The following MARCHF3 variants were observed in gnomAD, a reference collection of about 807,000 sequenced individuals.
MARCHF3 encodes E3 ubiquitin-protein ligase MARCHF3.
In MARCHF3, 13 loss-of-function variants were observed where a neutral mutation model predicts 24.2. The ratio of observed to expected loss-of-function variants is 0.54; its 90% confidence interval spans 0.35 to 0.85. MARCHF3 has a LOEUF of 0.85. MARCHF3 is among the 40% of genes least tolerant of loss of function. The probability of loss-of-function intolerance (pLI) is 0.01; values close to 1 mark genes in which losing one functional copy is unlikely to be tolerated. For missense variants in MARCHF3, 276 were observed against 325.0 expected, an observed-to-expected ratio of 0.85 and a Z score of 1.16; for synonymous variants, 144 against 137.3, an observed-to-expected ratio of 1.05 and a Z score of -0.34.
intron 1 of MARCHF3, among the ~76,000 whole-genome samples, chr5:127,013,329 A>G (rs1231096753): frequency 6.6e-6 from 1 of 152,212 alleles, no homozygotes; most frequent in Non-Finnish European, 1.5e-5. Flanking sequence ...CAATAAAATT[A>G]AAAGGAAAGG....
At chr5:126,883,374 T>G (rs1236088390) in intron 3 of MARCHF3, among the ~76,000 whole-genome samples, 1 of 152,232 alleles carries the variant, frequency 6.6e-6, no homozygotes, top group African/African-American at 2.4e-5. Flanking sequence ...ACAGAGATCA[T>G]GCTGTTGAAA....
At position 127,025,076 on chromosome 5, in the gene MARCHF3, C is replaced by T. The variant is rs148048212; in HGVS notation, c.-57+5274G>A. Reference sequence around the variant, plus strand: ...TGACGGATTACTCAAAAGATAGTTCCAGCCAAAAGGAATAAGCCAAGAAGT... The same window carrying T: ...TGACGGATTACTCAAAAGATAGTTCTAGCCAAAAGGAATAAGCCAAGAAGT... On this transcript the variant is annotated intron_variant, in intron 1 of 4. Transcript: ENST00000308660. 3.0e-3 allele frequency among the ~76,000 whole-genome samples: 449 copies of T among 152,072 alleles called. 3 individuals are homozygous for T. The highest frequency in any genetic ancestry group is 4.7e-3 in the Non-Finnish European group (317 of 67,990).
intron 1 of MARCHF3, among the ~76,000 whole-genome samples, chr5:126,974,177 G>T (rs113010215): frequency 1.1e-3 from 169 of 152,146 alleles, no homozygotes; most frequent in Non-Finnish European, 4.4e-4. Flanking sequence ...GATTACAGGC[G>T]TGAGCCACCG....
At chr5:127,029,343 T>C (rs924812766) in intron 1 of MARCHF3, among the ~76,000 whole-genome samples, 1 of 152,250 alleles carries the variant, frequency 6.6e-6, no homozygotes, top group Admixed American at 6.5e-5. Flanking sequence ...CCCCAAATTC[T>C]GGACCTGTTT....
chr5:126,956,835 C>T (rs1404344795), intron 1 of MARCHF3, among the ~76,000 whole-genome samples: 1 of 152,076 alleles, frequency 6.6e-6, no homozygotes, highest in Non-Finnish European at 1.5e-5. Context: ...AGTAGTTGAA[C>T]GAAACTGCCC....
In MARCHF3 at chr5:126,915,046, A is replaced by T; in HGVS notation, c.277T>A (p.Leu93Met). 6.2e-7 allele frequency: 1 copy of T among 1,614,222 alleles called. No homozygotes were observed. The highest frequency in any genetic ancestry group is 8.5e-7 in the Non-Finnish European group (1 of 1,180,040). ...LLSPCECTGT[L>M]GTIHRSCLEH... ...AGGCAGCTCCGATGAATTGTCCCCA[A>T]GGTCCCTGTACATTCACATGGAGAG... is the stretch of plus-strand genomic sequence containing the variant. Residue 93 changes from leucine to methionine, a missense_variant, in exon 3 of 5, where the codon TTG (leucine) becomes ATG (methionine). Coordinates refer to ENST00000308660, the MANE Select transcript of MARCHF3 (RefSeq NM_178450.5).
chr5:126,934,322 G>A (rs183475575), intron 1 of MARCHF3, among the ~76,000 whole-genome samples: 1 of 152,192 alleles, frequency 6.6e-6, no homozygotes, highest in East Asian at 1.9e-4. Context: ...TCCAGGTTAG[G>A]TGACACAATC....
chr5:126,965,209 T>C (rs560111596), intron 1 of MARCHF3, among the ~76,000 whole-genome samples: 1 of 152,222 alleles, frequency 6.6e-6, no homozygotes, highest in African/African-American at 2.4e-5. Context: ...ACATGGATAA[T>C]AATGACCCCT....
chr5:126,951,935 C>T (rs1008527091), intron 1 of MARCHF3, among the ~76,000 whole-genome samples: 2 of 152,168 alleles, frequency 1.3e-5, no homozygotes, highest in Non-Finnish European at 2.9e-5. Flanking sequence ...CAACCTCTGC[C>T]TCCCGGGTTC....
intron 3 of MARCHF3, among the ~76,000 whole-genome samples, chr5:126,888,826 A>G (rs1467108703): frequency 6.6e-6 from 1 of 152,152 alleles, no homozygotes; most frequent in African/African-American, 2.4e-5. Flanking sequence ...GTGCAGTGGC[A>G]CAATCTTGGC....
intron 1 of MARCHF3, among the ~76,000 whole-genome samples, chr5:126,986,952 G>A (rs1164351068): frequency 1.3e-5 from 2 of 152,262 alleles, no homozygotes; most frequent in Non-Finnish European, 2.9e-5. Context: ...ATGTATGACA[G>A]TTTTATGTGT....
intron 1 of MARCHF3, among the ~76,000 whole-genome samples, chr5:127,025,014 G>A (rs1261850209): frequency 2.0e-5 from 3 of 152,162 alleles, no homozygotes; most frequent in African/African-American, 7.2e-5. Context: ...CTGCAACAGT[G>A]AGCAATAAAT....
intron 1 of MARCHF3, among the ~76,000 whole-genome samples, chr5:127,026,408 T>C (rs1455820824): frequency 1.3e-5 from 2 of 152,224 alleles, no homozygotes; most frequent in African/African-American, 4.8e-5. Flanking sequence ...TACGTAGGCT[T>C]TGCCGCTTTT....
intron 1 of MARCHF3, among the ~76,000 whole-genome samples, chr5:127,003,068 C>G (rs529926220): frequency 6.6e-6 from 1 of 152,014 alleles, no homozygotes; most frequent in African/African-American, 2.4e-5. Context: ...AGCCCCAGAT[C>G]CTAGCAGGTG....
intron 3 of MARCHF3, among the ~76,000 whole-genome samples, chr5:126,905,289 G>T (rs1357762887): frequency 9.4e-4 from 132 of 139,826 alleles, no homozygotes; most frequent in Non-Finnish European, 1.6e-3. Flanking sequence ...GATTGACTTG[G>T]TGATGTGGGC....
At chr5:126,896,902 T>C (rs1725586173) in intron 3 of MARCHF3, among the ~76,000 whole-genome samples, 1 of 152,044 alleles carries the variant, frequency 6.6e-6, no homozygotes, top group South Asian at 2.1e-4. Flanking sequence ...TGTGTGTCTA[T>C]TTTGGGGGAG....
chr5:126,868,124 A>G lies in MARCHF3; in HGVS notation c.*2509T>C, dbSNP rs1752830353. ...AGCACAGGAAGAGGACTAGGCTAGC[A>G]AGGGTGCTGGTAGGCTGCATGGTGC... is the stretch of plus-strand genomic sequence containing the variant. On this transcript the variant is annotated 3_prime_UTR_variant, in exon 5 of 5. Transcript: ENST00000308660. The G allele has an allele frequency of 6.6e-6, 1 of 152,178 alleles. No homozygotes were observed. 9.4% of individuals were successfully genotyped at this position (152,178 alleles called of 1,614,324 possible).
At chr5:126,991,314 C>T (rs529456929) in intron 1 of MARCHF3, among the ~76,000 whole-genome samples, 4 of 152,182 alleles carry the variant, frequency 2.6e-5, no homozygotes, top group South Asian at 2.1e-4. Context: ...AACCAAATAC[C>T]GCATGTTCTC....
At chr5:126,976,829 G>A (rs867333512) in intron 1 of MARCHF3, among the ~76,000 whole-genome samples, 29 of 152,334 alleles carry the variant, frequency 1.9e-4, no homozygotes, top group Middle Eastern at 3.4e-3. Flanking sequence ...TGCTCACGTG[G>A]CAGGCAGCCC....
Sources: allele counts gnomAD v4.1 joint callset (sites outside exome capture counted in the v4.1 genomes callset), GRCh38; gene constraint gnomAD v4.1.1; transcripts MANE v1.5; gene names NCBI Gene and HGNC (gene_info 2026-07-23, HGNC 2026-07-21).